ZNF462: variants seen among roughly 807,000 people sequenced by gnomAD.
ZNF462 encodes zinc finger protein 462, also known as zinc finger PBX1-interacting protein.
Under a neutral mutation model 201.9 loss-of-function variants are expected in ZNF462, and 10 were observed. That is an observed-to-expected ratio of 0.05 (90% CI 0.03 to 0.08). ZNF462 has a LOEUF of 0.08. ZNF462 is among the 10% of genes least tolerant of loss of function. ZNF462 has a pLI of 1.00. For missense variants in ZNF462, 2,523 were observed against 3,168.3 expected (o/e 0.80, Z 4.89); for synonymous variants, 1,227 against 1,193.3 (o/e 1.03, Z -0.58).
At chr9:106,871,571 A>G (rs1026787770) in intron 1 of ZNF462, among the ~76,000 whole-genome samples, 2 of 152,224 alleles carry the variant, frequency 1.3e-5, no homozygotes, top group East Asian at 3.9e-4. Context: ...AAGACCTTGT[A>G]ATTTGGTACC....
Position 106,924,662 on chromosome 9 carries a change from C to T in ZNF462, c.750C>T (p.Tyr250=), listed in dbSNP as rs763213589. 2 of 1,614,088 alleles carry T rather than the reference C, an allele frequency of 1.2e-6. No homozygotes were observed. Among genetic ancestry groups the T allele is most frequent in the East Asian group, 4.5e-5 (2 of 44,882 alleles). Residue 250 remains tyrosine (Y), a synonymous_variant, in exon 3 of 13, where the codon TAC becomes TAT. Transcript: ENST00000277225. The surrounding 1 kb of genome is among the most constrained non-coding windows in gnomAD (Gnocchi z 6.2). ...RGNFCCEWCS[Y]QTPRRERWCD... ...ACTTTTGTTGTGAGTGGTGCAGCTA[C>T]CAGACCCCCCGCCGAGAACGCTGGT...
At chr9:106,875,214 C>T (rs924333445) in intron 1 of ZNF462, among the ~76,000 whole-genome samples, 5 of 152,036 alleles carry the variant, frequency 3.3e-5, no homozygotes, top group Non-Finnish European at 7.3e-5. Context: ...GTAGAAAGGT[C>T]GTGGCAATAT....
At position 106,924,677 on chromosome 9, in the gene ZNF462, A is replaced by G. The variant is rs1470042764; in HGVS notation, c.765A>G (p.Arg255=). Residue 255 remains arginine (R), a synonymous_variant, in exon 3 of 13, where the codon CGA becomes CGG. Transcript: ENST00000277225. This position sits in a 1 kb window ranked among gnomAD's most constrained non-coding sequence, Gnocchi z 6.2. ...GGTGCAGCTACCAGACCCCCCGCCG[A>G]GAACGCTGGTGTGACCACATGATGA... ...CEWCSYQTPR[R]ERWCDHMMKK... 1.2e-6 allele frequency: 2 copies of G among 1,614,154 alleles called. No homozygotes were observed. Among genetic ancestry groups the G allele is most frequent in the Non-Finnish European group, 1.7e-6 (2 of 1,180,028 alleles).
In ZNF462 at chr9:106,970,687, C is replaced by A. The variant is rs749819735; in HGVS notation, c.6428-1318C>A. 4.6e-5 allele frequency among the ~76,000 whole-genome samples: 7 copies of A among 152,140 alleles called. No homozygotes were observed. Among genetic ancestry groups the A allele is most frequent in the Non-Finnish European group, 7.3e-5 (5 of 68,030 alleles). Reference sequence around the variant, plus strand: ...TGGTATTCATGGACTTCATTTGTGTCATTCATAGGCAGCTGTAGGTTATAT... The same window carrying A: ...TGGTATTCATGGACTTCATTTGTGTAATTCATAGGCAGCTGTAGGTTATAT... On this transcript the variant is annotated intron_variant, in intron 7 of 12. Coordinates refer to ENST00000277225, the MANE Select transcript of ZNF462 (RefSeq NM_021224.6). This position sits in a 1 kb window ranked among gnomAD's most constrained non-coding sequence, Gnocchi z 4.2.
chr9:107,010,351 T>C lies in ZNF462; in HGVS notation c.7314-472T>C, dbSNP rs1829862028. On this transcript the variant is annotated intron_variant, in intron 12 of 12. Coordinates refer to ENST00000277225, the MANE Select transcript of ZNF462 (RefSeq NM_021224.6). The surrounding 1 kb of genome is among the most constrained non-coding windows in gnomAD (Gnocchi z 4.6). ...TGGGTTCCATCTTCAGGTTTTTGTTTTTAGTTTGTTTTCGTGATTTGTTTC... is the reference window on the plus strand; with the variant it reads ...TGGGTTCCATCTTCAGGTTTTTGTTCTTAGTTTGTTTTCGTGATTTGTTTC... Among the ~76,000 whole-genome samples, 1 of 152,110 alleles carries C rather than the reference T, an allele frequency of 6.6e-6. No individual in the cohort carries two copies. Among genetic ancestry groups the C allele is most frequent in the African/African-American group, 2.4e-5 (1 of 41,430 alleles).
chr9:106,891,588 C>T (rs1828580453), intron 1 of ZNF462, among the ~76,000 whole-genome samples: 1 of 152,144 alleles, frequency 6.6e-6, no homozygotes, highest in Admixed American at 6.5e-5. Flanking sequence ...TCCTTTTAGT[C>T]TTGGCATTCT....
At chr9:106,976,675 T>C (rs1326838291) in intron 9 of ZNF462, 1 of 152,188 alleles carries the variant, frequency 6.6e-6, no homozygotes, top group Non-Finnish European at 1.5e-5. Flanking sequence ...CATGAGCATT[T>C]GAGGATTAAT....
rs781750105 is a variant in ZNF462, at chr9:106,924,543, T to G, written c.631T>G (p.Ser211Ala). Residue 211 changes from serine to alanine, a missense_variant, in exon 3 of 13, where the codon TCA (serine) becomes GCA (alanine). Ser to Ala is a moderately conservative substitution (Grantham distance 99). Coordinates refer to ENST00000277225, the MANE Select transcript of ZNF462 (RefSeq NM_021224.6). This position sits in a 1 kb window ranked among gnomAD's most constrained non-coding sequence, Gnocchi z 6.2. Reference sequence around the variant, plus strand: ...GCCAGACCCTGTGGTTCCGCCCGTATCACTGCAGGACCCCTGCAAGGAACT... The same window carrying G: ...GCCAGACCCTGTGGTTCCGCCCGTAGCACTGCAGGACCCCTGCAAGGAACT... ...PMPDPVVPPV[S>A]LQDPCKELPA... 11 of 1,614,054 alleles carry G rather than the reference T, an allele frequency of 6.8e-6. No homozygotes were observed. The Admixed American group carries it at 1.2e-4, about 17-fold the overall frequency.
chr9:107,005,819 TTA>T lies in ZNF462; in HGVS notation c.7189+2397_7189+2398del, dbSNP rs1197185967. 6.6e-6 allele frequency among the ~76,000 whole-genome samples: 1 copy of T among 152,212 alleles called. No homozygotes were observed. Among genetic ancestry groups the T allele is most frequent in the African/African-American group, 2.4e-5 (1 of 41,462 alleles). On this transcript the variant is annotated intron_variant, in intron 11 of 12. Transcript: ENST00000277225. This position sits in a 1 kb window ranked among gnomAD's most constrained non-coding sequence, Gnocchi z 4.4. ...TCTAGTAGTTTTATAGTTTCAGGTC[TTA>T]TATTCAAGTTTTTAATTCATTTTGA...
rs899720803 is a variant in ZNF462, at chr9:106,972,768, T to C, written c.6695+496T>C. 6.6e-6 allele frequency among the ~76,000 whole-genome samples: 1 copy of C among 152,184 alleles called. No individual in the cohort carries two copies. The highest frequency in any genetic ancestry group is 1.5e-5 in the Non-Finnish European group (1 of 68,040). On this transcript the variant is annotated intron_variant, in intron 8 of 12. Coordinates refer to ENST00000277225, the MANE Select transcript of ZNF462 (RefSeq NM_021224.6). The surrounding 1 kb of genome is among the most constrained non-coding windows in gnomAD (Gnocchi z 4.8). Reference sequence around the variant, plus strand: ...GACCCTGGCACTTCCAACACTACACTTGAGCAATCATAGGGAGATTGCTCC... The same window carrying C: ...GACCCTGGCACTTCCAACACTACACCTGAGCAATCATAGGGAGATTGCTCC...
In ZNF462 at chr9:106,923,689, G is replaced by T. The variant is rs138603026; in HGVS notation, c.220+86G>T. On this transcript the variant is annotated intron_variant, in intron 2 of 12. Coordinates refer to ENST00000277225, the MANE Select transcript of ZNF462 (RefSeq NM_021224.6). The surrounding 1 kb of genome is among the most constrained non-coding windows in gnomAD (Gnocchi z 5.6). ...CCTGTAGCCATGGTTCTTAATATAC[G>T]TGGCTTTTGCAGAGTTTCTTGTGCT... The T allele has an allele frequency of 9.2e-6, 13 of 1,418,334 alleles. No homozygotes were observed. Among genetic ancestry groups the T allele is most frequent in the Non-Finnish European group, 1.3e-5 (13 of 1,026,112 alleles). The allele number at this position is 1,418,334 out of a possible 1,614,324, so 87.9% of individuals were successfully genotyped here.
rs1830190922 is a variant in ZNF462 at position 106,926,300 on chromosome 9, T to C, written c.2388T>C (p.Asp796=). The change falls in exon 3 of 13, where the codon GAT becomes GAC. Residue 796 remains aspartate (D), a synonymous_variant. Coordinates refer to ENST00000277225, the MANE Select transcript of ZNF462 (RefSeq NM_021224.6). The surrounding 1 kb of genome is among the most constrained non-coding windows in gnomAD (Gnocchi z 7.9). ...AGATTGAGCTCACCCTTTCTGAAGA[T>C]GAAGAGGATTATTATGGCTCCTCAA... ...GAEIELTLSE[D]EEDYYGSSTN... The C allele has an allele frequency of 1.2e-6, 2 of 1,614,190 alleles. No individual in the cohort carries two copies. The highest frequency in any genetic ancestry group is 8.5e-7 in the Non-Finnish European group (1 of 1,180,038).
rs141508190 is a variant in ZNF462, at chr9:106,966,794, G to T, written c.6428-5211G>T. Among the ~76,000 whole-genome samples, 105 of 152,182 alleles carry T rather than the reference G, an allele frequency of 6.9e-4. No individual in the cohort carries two copies. Among genetic ancestry groups the T allele is most frequent in the African/African-American group, 2.3e-3 (97 of 41,540 alleles). On this transcript the variant is annotated intron_variant, in intron 7 of 12. Transcript: ENST00000277225. The surrounding 1 kb of genome is among the most constrained non-coding windows in gnomAD (Gnocchi z 4.4). ...AAAATTTGCTTGCCTAAAATTCCTT[G>T]TCTTTTATTTTTTCTTGGTACTTGA... is the stretch of plus-strand genomic sequence containing the variant.
At position 106,930,208 on chromosome 9, in the gene ZNF462, C is replaced by T. The variant is rs780345968; in HGVS notation, c.5848-317C>T. Among the ~76,000 whole-genome samples, 5 of 152,086 alleles carry T rather than the reference C, an allele frequency of 3.3e-5. No homozygotes were observed. The highest frequency in any genetic ancestry group is 5.9e-5 in the Non-Finnish European group (4 of 68,024). On this transcript the variant is annotated intron_variant, in intron 3 of 12. Transcript: ENST00000277225. The surrounding 1 kb of genome is among the most constrained non-coding windows in gnomAD (Gnocchi z 5.8). ...TTTATCAAGAAGTTCATTAATGGCG[C>T]AACTATGCAACGTTTCACCTGCCTA...
At chr9:106,903,027 CTGTT>C (rs1408620189) in intron 1 of ZNF462, among the ~76,000 whole-genome samples, 1 of 151,908 alleles carries the variant, frequency 6.6e-6, no homozygotes, top group Non-Finnish European at 1.5e-5. Context: ...CTTAGATTGT[CTGTT>C]TGTGCCCTTT....
chr9:107,010,755 AT>A lies in ZNF462; in HGVS notation c.7314-61del. ...ATAAAGACACTCGAGGGTTTTTATTATTTTTTTGTTTAAAAAGAGAAATATA... is the reference window on the plus strand; with the variant it reads ...ATAAAGACACTCGAGGGTTTTTATTATTTTTTGTTTAAAAAGAGAAATATA... On this transcript the variant is annotated intron_variant, in intron 12 of 12. Coordinates refer to ENST00000277225, the MANE Select transcript of ZNF462 (RefSeq NM_021224.6). The surrounding 1 kb of genome is among the most constrained non-coding windows in gnomAD (Gnocchi z 4.6). 2.8e-6 allele frequency: 4 copies of A among 1,407,998 alleles called. No homozygotes were observed. The highest frequency in any genetic ancestry group is 1.4e-5 in the South Asian group (1 of 69,262). 87.2% of individuals were successfully genotyped at this position (1,407,998 alleles called of 1,614,324 possible).
chr9:106,894,706 A>C (rs1432039099), intron 1 of ZNF462, among the ~76,000 whole-genome samples: 7 of 152,198 alleles, frequency 4.6e-5, no homozygotes, highest in Non-Finnish European at 1.0e-4. Context: ...GAGCACTTGA[A>C]ACAGTGAAAC....
intron 1 of ZNF462, among the ~76,000 whole-genome samples, chr9:106,898,169 A>G (rs1828892007): frequency 6.6e-6 from 1 of 152,226 alleles, no homozygotes; most frequent in South Asian, 2.1e-4. Flanking sequence ...CTCCAAATAG[A>G]GGAAGAACAA....
chr9:106,869,651 G>A (rs1050975067), intron 1 of ZNF462, among the ~76,000 whole-genome samples: 3 of 152,172 alleles, frequency 2.0e-5, no homozygotes, highest in Non-Finnish European at 4.4e-5. Context: ...CCTCAGTGTG[G>A]CACTCCTCCA....
Sources: gnomAD v4.1 joint callset for allele counts (sites outside exome capture counted in the v4.1 genomes callset) on GRCh38, gnomAD v4.1.1 for gene constraint, Gnocchi (gnomAD v3.1) non-coding constraint, MANE v1.5 for transcripts, NCBI Gene and HGNC (gene_info 2026-07-23, HGNC 2026-07-21) for gene names.